PADI6: variants seen among roughly 807,000 people sequenced by gnomAD.
PADI6 encodes inactive protein-arginine deiminase type-6.
PADI6 carries 66 observed loss-of-function variants against 78.2 expected under a neutral mutation model. The observed-to-expected ratio is 0.84, with a 90% CI of 0.69 to 1.04. The LOEUF (loss-of-function observed/expected upper bound fraction) is 1.04, where lower values mean the gene tolerates loss of function less well. PADI6 is among the 50% of genes least tolerant of loss of function. The probability of loss-of-function intolerance (pLI) is 0.00; values close to 1 mark genes in which losing one functional copy is unlikely to be tolerated. For synonymous variants in PADI6, 397 were observed against 346.9 expected (o/e 1.14, Z -1.60); for missense variants, 854 against 866.1 (o/e 0.99, Z 0.18).
chr1:17,376,381 A>T (rs2075016250), intron 3 of PADI6, among the ~76,000 whole-genome samples: 1 of 147,554 alleles, frequency 6.8e-6, no homozygotes, highest in Non-Finnish European at 1.5e-5. Context: ...CTCACTGCCC[A>T]TTCCACCTCC....
chr1:17,394,915 C>T (rs2075230230), intron 11 of PADI6, 36 bp from the exon 12 acceptor site: 1 of 1,548,516 alleles, frequency 6.5e-7, no homozygotes, highest in South Asian at 1.2e-5. Context: ...CTGGGCCACA[C>T]TGGCTCAAGA....
intron 6 of PADI6, among the ~76,000 whole-genome samples, chr1:17,387,829 G>A (rs1189199594): frequency 6.6e-6 from 1 of 152,136 alleles, no homozygotes; most frequent in East Asian, 1.9e-4. Context: ...TTCTGTGCAT[G>A]GTTTTGTATT....
chr1:17,396,609 A>G (rs1380828393), intron 13 of PADI6, among the ~76,000 whole-genome samples: 1 of 152,012 alleles, frequency 6.6e-6, no homozygotes, highest in African/African-American at 2.4e-5. Context: ...TCTGCTGAGC[A>G]TGAACCACAT....
At chr1:17,372,434 C>T in intron 1 of PADI6, 73 bp downstream of exon 1, 1 of 1,402,940 alleles carries the variant, frequency 7.1e-7, no homozygotes, top group Non-Finnish European at 1.0e-6. Context: ...TCCCCTTGAT[C>T]TGGGAGTTGG....
At chr1:17,395,138 T>C in intron 12 of PADI6, 31 bp downstream of exon 12, 1 of 1,586,782 alleles carries the variant, frequency 6.3e-7, no homozygotes. Flanking sequence ...AAGGGACATC[T>C]GACCCTTGCC....
chr1:17,388,525 ACT>A lies in PADI6; in HGVS notation c.827_828del (p.Ser276CysfsTer61). 1 of 1,612,808 alleles carries A rather than the reference ACT, an allele frequency of 6.2e-7. No individual in the cohort carries two copies. The highest frequency in any genetic ancestry group is 8.5e-7 in the Non-Finnish European group (1 of 1,179,168). On this transcript the variant is annotated frameshift_variant, in exon 7 of 16. Transcript: ENST00000619609. LOFTEE classifies it high-confidence loss of function. ...GCCGAATTCTCAGGCCTCATCTCCTACTCTGTGTCCCTGGTGGAGGAGTCTCA... is the reference window on the plus strand; with the variant it reads ...GCCGAATTCTCAGGCCTCATCTCCTACTGTGTCCCTGGTGGAGGAGTCTCA...
At position 17,394,003 on chromosome 1, in the gene PADI6, C is replaced by G. The variant is rs1276509951; in HGVS notation, c.1103C>G (p.Ala368Gly). 1 of 1,613,834 alleles carries G rather than the reference C, an allele frequency of 6.2e-7. No homozygotes were observed. The highest frequency in any genetic ancestry group is 1.3e-5 in the African/African-American group (1 of 74,912). Residue 368 changes from alanine (A) to glycine (G), a missense_variant, in exon 10 of 16, where the codon GCT becomes GGT. Ala to Gly is a moderately conservative substitution (Grantham distance 60). Transcript: ENST00000619609. ...GAGATGGCCTTCTGCTACACCCAGGCTCCCCACAAGACAACGTCCTTGATC... is the reference window on the plus strand; with the variant it reads ...GAGATGGCCTTCTGCTACACCCAGGGTCCCCACAAGACAACGTCCTTGATC... ...QDEMAFCYTQ[A>G]PHKTTSLILD...
At chr1:17,374,358 G>A (rs1241516633) in intron 2 of PADI6, among the ~76,000 whole-genome samples, 3 of 152,158 alleles carry the variant, frequency 2.0e-5, no homozygotes, top group African/African-American at 4.8e-5. Context: ...AGGTGTGGTG[G>A]CTCATGCCTG....
intron 14 of PADI6, among the ~76,000 whole-genome samples, chr1:17,397,728 A>AG (rs2075260390): frequency 6.6e-6 from 1 of 152,086 alleles, no homozygotes; most frequent in Non-Finnish European, 1.5e-5. Context: ...CTTACATATG[A>AG]GGGTAGTGAG....
At chr1:17,389,678 A>G (rs907327663) in intron 8 of PADI6, among the ~76,000 whole-genome samples, 3 of 152,196 alleles carry the variant, frequency 2.0e-5, no homozygotes, top group Admixed American at 1.3e-4. Flanking sequence ...AAAAGGAGAT[A>G]GGATCCTGAA....
At chr1:17,391,991 A>G (rs900756365) in intron 8 of PADI6, 123 bp from the exon 9 acceptor site, 4 of 762,092 alleles carry the variant, frequency 5.2e-6, no homozygotes, top group Non-Finnish European at 8.6e-6. Context: ...TGTCGACCTC[A>G]CGGGCAGGGA....
At chr1:17,396,981 C>G in intron 13 of PADI6, 90 bp from the exon 14 acceptor site, 1 of 1,194,642 alleles carries the variant, frequency 8.4e-7, no homozygotes. Flanking sequence ...GGAATGCACC[C>G]AGGTGGCTGG....
chr1:17,372,614 C>A (rs1257365435), intron 1 of PADI6, among the ~76,000 whole-genome samples: 1 of 152,120 alleles, frequency 6.6e-6, no homozygotes, highest in Non-Finnish European at 1.5e-5. Context: ...CTCTGTTCCC[C>A]TATCTGTGAA....
At chr1:17,389,031 G>A (rs1254396517) in intron 8 of PADI6, among the ~76,000 whole-genome samples, 151 bp downstream of exon 8, 1 of 152,212 alleles carries the variant, frequency 6.6e-6, no homozygotes, top group East Asian at 1.9e-4. Context: ...CCTGCCCCAA[G>A]ACAGTCCAAT....
At chr1:17,398,653 C>CG in intron 14 of PADI6, 33 bp from the exon 15 acceptor site, 3 of 135,092 alleles carry the variant, frequency 2.2e-5, no homozygotes, top group Non-Finnish European at 2.8e-5. Context: ...CTTGCTCCCC[C>CG]GCCCCCCCCC....
At chr1:17,386,870 T>C (rs1924556) in intron 6 of PADI6, among the ~76,000 whole-genome samples, 1,878 of 152,318 alleles carry the variant, frequency 0.012, 45 homozygotes, top group African/African-American at 0.042. Flanking sequence ...CGGCCGCAGC[T>C]GCAGCCATCT....
chr1:17,400,091 T>C (rs1171613550), intron 15 of PADI6, among the ~76,000 whole-genome samples: 4 of 151,536 alleles, frequency 2.6e-5, no homozygotes, highest in Non-Finnish European at 5.9e-5. Context: ...GCCTGTAGTC[T>C]CAGCCACTCA....
At chr1:17,384,381 C>T (rs1557600877) in intron 6 of PADI6, among the ~76,000 whole-genome samples, 1 of 151,946 alleles carries the variant, frequency 6.6e-6, no homozygotes, top group Non-Finnish European at 1.5e-5. Flanking sequence ...CTTACTTGGG[C>T]ACAGGAGTTC....
At chr1:17,397,001 G>A (rs1368053975) in intron 13 of PADI6, 70 bp from the exon 14 acceptor site, 15 of 1,504,540 alleles carry the variant, frequency 1.0e-5, no homozygotes, top group Admixed American at 1.8e-5. Context: ...GGCCTGGCCC[G>A]AGTGTGCCCA....
Sources: allele counts gnomAD v4.1 joint callset (sites outside exome capture counted in the v4.1 genomes callset), GRCh38; gene constraint gnomAD v4.1.1; transcripts MANE v1.5; gene names NCBI Gene and HGNC (gene_info 2026-07-23, HGNC 2026-07-21).